The following ASB3 variants were observed in gnomAD, a reference collection of about 807,000 sequenced individuals.
The protein encoded by ASB3 is ankyrin repeat and SOCS box protein 3.
A neutral mutation model predicts 54.5 loss-of-function variants in ASB3; 41 were observed. The observed-to-expected ratio is 0.75, with a 90% confidence interval of 0.59 to 0.98. The LOEUF is 0.98. Among genes scored for constraint, ASB3 ranks in the 50% least tolerant of loss-of-function variants. The pLI is 0.00. For missense variants in ASB3, 733 were observed against 620.0 expected, an observed-to-expected ratio of 1.18 and a Z score of -1.94; for synonymous variants, 266 against 221.2, an observed-to-expected ratio of 1.20 and a Z score of -1.80.
At chr2:53,682,662 A>C (rs1668437252) in intron 9 of ASB3, among the ~76,000 whole-genome samples, 1 of 151,900 alleles carries the variant, frequency 6.6e-6, no homozygotes, top group Non-Finnish European at 1.5e-5. Flanking sequence ...TTTTTAGTAG[A>C]GATGGGGTTT....
intron 7 of ASB3, among the ~76,000 whole-genome samples, chr2:53,704,359 C>CA (rs10547453): frequency 0.049 from 5,441 of 110,280 alleles, 259 homozygotes; most frequent in East Asian, 0.24. Flanking sequence ...GAGACTGTCT[C>CA]AAAAAAAAAA....
At chr2:53,735,638 A>G (rs1671585675) in intron 3 of ASB3, among the ~76,000 whole-genome samples, 1 of 148,122 alleles carries the variant, frequency 6.8e-6, no homozygotes, top group East Asian at 1.9e-4. Context: ...AATAGTTGGA[A>G]AAAAAAAAAC....
intron 9 of ASB3, among the ~76,000 whole-genome samples, chr2:53,691,441 T>G (rs1323282054): frequency 2.0e-5 from 3 of 152,100 alleles, no homozygotes; most frequent in African/African-American, 2.4e-5. Flanking sequence ...AAGTATCTTT[T>G]CAAAAAAAAA....
At chr2:53,708,091 G>C (rs1489888576) in intron 7 of ASB3, among the ~76,000 whole-genome samples, 3 of 152,230 alleles carry the variant, frequency 2.0e-5, no homozygotes, top group African/African-American at 7.2e-5. Flanking sequence ...ATGATGAATT[G>C]TAATCCCCAG....
At chr2:53,727,110 G>A (rs976447226) in intron 5 of ASB3, among the ~76,000 whole-genome samples, 5 of 152,176 alleles carry the variant, frequency 3.3e-5, no homozygotes, top group East Asian at 1.9e-4. Flanking sequence ...GCCAGGAAAC[G>A]AGTCTAGATC....
chr2:53,711,166 C>T (rs186427154), intron 7 of ASB3, among the ~76,000 whole-genome samples: 332 of 152,190 alleles, frequency 2.2e-3, no homozygotes, highest in Middle Eastern at 3.4e-3. Context: ...TTGGGTCTAT[C>T]TTGTGCATTT....
intron 1 of ASB3, 82 bp from the exon 2 acceptor site, chr2:53,765,667 T>C: frequency 3.3e-6 from 5 of 1,515,722 alleles, no homozygotes; most frequent in Non-Finnish European, 3.6e-6. Context: ...ACGGTGGGCC[T>C]GTCTAGTATC....
chr2:53,756,545 A>G (rs1231904434), intron 2 of ASB3, among the ~76,000 whole-genome samples: 1 of 152,198 alleles, frequency 6.6e-6, no homozygotes, highest in Non-Finnish European at 1.5e-5. Context: ...AGACATTACC[A>G]TTTGAATCAG....
chr2:53,682,671 T>G (rs1668437993), intron 9 of ASB3, among the ~76,000 whole-genome samples: 2 of 152,046 alleles, frequency 1.3e-5, no homozygotes, highest in Non-Finnish European at 2.9e-5. Context: ...GAGATGGGGT[T>G]TCACCATATT....
At chr2:53,777,451 T>G (rs888342320) in intron 1 of ASB3, among the ~76,000 whole-genome samples, 2 of 152,218 alleles carry the variant, frequency 1.3e-5, no homozygotes, top group Admixed American at 1.3e-4. Context: ...TACACTATTC[T>G]TTATCAAATA....
intron 3 of ASB3, among the ~76,000 whole-genome samples, chr2:53,732,682 T>C (rs1671387133): frequency 6.6e-6 from 1 of 152,228 alleles, no homozygotes; most frequent in Non-Finnish European, 1.5e-5. Flanking sequence ...AGAAATCTGC[T>C]ATCTGCAACT....
chr2:53,743,006 A>G (rs990304949), intron 3 of ASB3, among the ~76,000 whole-genome samples: 1 of 152,206 alleles, frequency 6.6e-6, no homozygotes, highest in African/African-American at 2.4e-5. Flanking sequence ...CAAAAAGAGA[A>G]GAAAATTAGG....
At chr2:53,724,837 G>T (rs1420507921) in intron 5 of ASB3, among the ~76,000 whole-genome samples, 1 of 152,130 alleles carries the variant, frequency 6.6e-6, no homozygotes. Context: ...TTCTTGGTGG[G>T]AATGTAAATT....
At chr2:53,681,972 A>C (rs1452057546) in intron 9 of ASB3, among the ~76,000 whole-genome samples, 2 of 151,978 alleles carry the variant, frequency 1.3e-5, no homozygotes, top group African/African-American at 4.8e-5. Flanking sequence ...AGCCTGGCCA[A>C]TATGGTGAAA....
At chr2:53,767,199 T>C (rs1187224317) in intron 1 of ASB3, 2 of 152,128 alleles carry the variant, frequency 1.3e-5, no homozygotes, top group African/African-American at 4.8e-5. Flanking sequence ...AACAAGCCAA[T>C]GATAATACTA....
At position 53,670,292 on chromosome 2, in the gene ASB3, A is replaced by ATTTTT. The variant is rs757738523; in HGVS notation, c.*206_*210dup. The ATTTTT allele has an allele frequency of 1.7e-5, 3 of 178,746 alleles. No homozygotes were observed. Among genetic ancestry groups the ATTTTT allele is most frequent in the South Asian group, 1.0e-4 (1 of 9,772 alleles). The allele number at this position is 178,746 out of a possible 1,614,324, so 11.1% of individuals were successfully genotyped here. ...TAAAGTAATATAAGTGATGTTTACAATTTTTTTTTTTTTTTTTTTTTTTTT... is the reference window on the plus strand; with the variant it reads ...TAAAGTAATATAAGTGATGTTTACAATTTTTTTTTTTTTTTTTTTTTTTTTTTTTT... On this transcript the variant is annotated 3_prime_UTR_variant, in exon 10 of 10. Transcript: ENST00000263634.
At chr2:53,756,473 T>C (rs1672833586) in intron 2 of ASB3, among the ~76,000 whole-genome samples, 1 of 152,174 alleles carries the variant, frequency 6.6e-6, no homozygotes, top group Non-Finnish European at 1.5e-5. Context: ...CTTGACTGGG[T>C]TAAGGGATGC....
At chr2:53,688,224 C>T (rs1173475209) in intron 9 of ASB3, among the ~76,000 whole-genome samples, 4 of 152,174 alleles carry the variant, frequency 2.6e-5, no homozygotes, top group East Asian at 1.9e-4. Context: ...CAAATAAACC[C>T]GAAAAACCAG....
intron 1 of ASB3, among the ~76,000 whole-genome samples, chr2:53,785,110 CCTT>C (rs1452841430): frequency 6.6e-6 from 1 of 152,224 alleles, no homozygotes; most frequent in Non-Finnish European, 1.5e-5. Context: ...TGTCTGGCTC[CCTT>C]CTTTTCATCA....
Sources: gnomAD v4.1 joint callset for allele counts (sites outside exome capture counted in the v4.1 genomes callset) on GRCh38, gnomAD v4.1.1 for gene constraint, MANE v1.5 for transcripts, NCBI Gene and HGNC (gene_info 2026-07-23, HGNC 2026-07-21) for gene names.